CAMTA1: variants seen among roughly 807,000 people sequenced by gnomAD.
CAMTA1 encodes the protein calmodulin binding transcription activator 1.
In CAMTA1, 27 loss-of-function variants were observed where a neutral mutation model predicts 170.9. The ratio of observed to expected loss-of-function variants is 0.16; its 90% CI spans 0.12 to 0.22. CAMTA1 has a LOEUF of 0.22. Among genes scored for constraint, CAMTA1 ranks in the 10% least tolerant of loss-of-function variants. CAMTA1 has a pLI of 1.00. For missense variants in CAMTA1, 1,619 were observed against 2,217.2 expected, an observed-to-expected ratio of 0.73 and a Z score of 5.42; for synonymous variants, 833 against 891.5, an observed-to-expected ratio of 0.93 and a Z score of 1.17.
At chr1:7,020,433 A>C (rs988704153) in intron 3 of CAMTA1, among the ~76,000 whole-genome samples, 1 of 152,206 alleles carries the variant, frequency 6.6e-6, no homozygotes, top group South Asian at 2.1e-4. Flanking sequence ...GTAGGAGGCT[A>C]TCCCCTCTAG....
In CAMTA1 at chr1:7,064,867, A is replaced by T. The variant is rs1572799669; in HGVS notation, c.235-26437A>T. The stretch of plus-strand genomic sequence containing the variant: ...GGTTGGGTGACTCCTGCTGCCATCT[A>T]GGCAAGACATGGCAGCCACTTAGAT... On this transcript the variant is annotated intron_variant, in intron 3 of 22. Transcript: ENST00000303635. This position sits in a 1 kb window ranked among gnomAD's most constrained non-coding sequence, Gnocchi z 5.4. Among the ~76,000 whole-genome samples the T allele has an allele frequency of 6.6e-6, 1 of 152,234 alleles. No homozygotes were observed. The highest frequency in any genetic ancestry group is 1.9e-4 in the East Asian group (1 of 5,176).
At chr1:7,668,542 C>G (rs1240237337) in intron 9 of CAMTA1, among the ~76,000 whole-genome samples, 1 of 152,034 alleles carries the variant, frequency 6.6e-6, no homozygotes, top group African/African-American at 2.4e-5. Flanking sequence ...ATTTCGTGCC[C>G]CCTCCCCACC....
intron 5 of CAMTA1, among the ~76,000 whole-genome samples, chr1:7,384,200 C>T (rs2087678563): frequency 6.6e-6 from 1 of 152,208 alleles, no homozygotes; most frequent in Non-Finnish European, 1.5e-5. Context: ...TGGCTGTTGG[C>T]TCCATTCTGA....
chr1:7,608,582 T>C (rs2095502625), intron 6 of CAMTA1, among the ~76,000 whole-genome samples: 2 of 152,182 alleles, frequency 1.3e-5, no homozygotes. Flanking sequence ...GAGAGGCTGA[T>C]GGCAGGGAAG....
intron 3 of CAMTA1, among the ~76,000 whole-genome samples, chr1:7,048,917 G>A (rs1705846519): frequency 6.6e-6 from 1 of 152,178 alleles, no homozygotes; most frequent in African/African-American, 2.4e-5. Flanking sequence ...CCGTCAACCT[G>A]TGTTGCAAAT....
chr1:7,588,158 AG>A lies in CAMTA1; in HGVS notation c.511-52240del, dbSNP rs2150454493. ...GGGCTGGGATCCCACAGAAAGTCAC[AG>A]GCCCTGCCCATTGGCAAGGTCTCTC... On this transcript the variant is annotated intron_variant, in intron 6 of 22. Coordinates refer to ENST00000303635, the MANE Select transcript of CAMTA1 (RefSeq NM_015215.4). This position sits in a 1 kb window ranked among gnomAD's most constrained non-coding sequence, Gnocchi z 5.8. Among the ~76,000 whole-genome samples the A allele has an allele frequency of 6.6e-6, 1 of 152,204 alleles. No homozygotes were observed. The highest frequency in any genetic ancestry group is 2.1e-4 in the South Asian group (1 of 4,822).
chr1:7,498,947 A>AG (rs2093902570), intron 6 of CAMTA1, among the ~76,000 whole-genome samples: 1 of 133,482 alleles, frequency 7.5e-6, no homozygotes, highest in Non-Finnish European at 1.6e-5. Context: ...ATGTGTGTCC[A>AG]TGAGTGTGTA....
chr1:7,160,441 C>T (rs546987106), intron 4 of CAMTA1, among the ~76,000 whole-genome samples: 17 of 152,108 alleles, frequency 1.1e-4, no homozygotes, highest in African/African-American at 4.1e-4. Context: ...TTGACTATCT[C>T]GGCAGCATTG....
At chr1:7,339,787 G>A (rs1252162180) in intron 5 of CAMTA1, among the ~76,000 whole-genome samples, 1 of 152,044 alleles carries the variant, frequency 6.6e-6, no homozygotes, top group Non-Finnish European at 1.5e-5. Context: ...AGTAGAGACA[G>A]GGTTTTGTTA....
chr1:7,109,355 G>A (rs540139686), intron 4 of CAMTA1, among the ~76,000 whole-genome samples: 6 of 152,306 alleles, frequency 3.9e-5, no homozygotes, highest in Admixed American at 1.3e-4. Context: ...GGAAGAACAG[G>A]CCACAAACTG....
chr1:7,758,918 G>C (rs1375596307), intron 22 of CAMTA1, among the ~76,000 whole-genome samples: 20 of 114,986 alleles, frequency 1.7e-4, no homozygotes, highest in Non-Finnish European at 3.1e-4. Context: ...CTGGGCAAAA[G>C]AGCGAGACTC....
intron 6 of CAMTA1, among the ~76,000 whole-genome samples, chr1:7,477,517 G>A (rs916399700): frequency 3.9e-5 from 6 of 152,178 alleles, no homozygotes; most frequent in Admixed American, 2.0e-4. Context: ...AGTATTTCCC[G>A]CTCAGACATC....
At chr1:7,716,590 A>G (rs2096611578) in intron 11 of CAMTA1, among the ~76,000 whole-genome samples, 1 of 151,944 alleles carries the variant, frequency 6.6e-6, no homozygotes, top group Non-Finnish European at 1.5e-5. Flanking sequence ...AGAAAAATAC[A>G]TATTTTTGGA....
chr1:6,850,758 G>T (rs1660068348), intron 3 of CAMTA1, among the ~76,000 whole-genome samples: 1 of 152,178 alleles, frequency 6.6e-6, no homozygotes, highest in Non-Finnish European at 1.5e-5. Flanking sequence ...CAGATGAGAA[G>T]CTGGACGGCT....
intron 4 of CAMTA1, among the ~76,000 whole-genome samples, chr1:7,147,684 T>C (rs1646294017): frequency 7.0e-6 from 1 of 142,480 alleles, no homozygotes; most frequent in South Asian, 2.3e-4. Context: ...CACACATTCA[T>C]ACACCATGCA....
chr1:7,502,640 G>C (rs1278342345), intron 6 of CAMTA1, among the ~76,000 whole-genome samples: 1 of 152,158 alleles, frequency 6.6e-6, no homozygotes, highest in Admixed American at 6.5e-5. Context: ...GGGGGCCTCT[G>C]GCCTTTGACC....
intron 6 of CAMTA1, among the ~76,000 whole-genome samples, chr1:7,476,484 G>C (rs958907206): frequency 1.3e-5 from 2 of 152,130 alleles, no homozygotes; most frequent in Non-Finnish European, 2.9e-5. Context: ...TCTGACATGG[G>C]GCAAGCATGG....
intron 5 of CAMTA1, among the ~76,000 whole-genome samples, chr1:7,401,404 G>T (rs2089895690): frequency 6.6e-6 from 1 of 151,960 alleles, no homozygotes; most frequent in South Asian, 2.1e-4. Flanking sequence ...GTATTATTAT[G>T]GTAAGTCTTG....
At chr1:7,602,541 T>C (rs995915067) in intron 6 of CAMTA1, among the ~76,000 whole-genome samples, 1 of 152,230 alleles carries the variant, frequency 6.6e-6, no homozygotes, top group African/African-American at 2.4e-5. Flanking sequence ...TTGATTCTTC[T>C]CTCTTTTCTT....
Sources: gnomAD v4.1 joint callset for allele counts (sites outside exome capture counted in the v4.1 genomes callset) on GRCh38, gnomAD v4.1.1 for gene constraint, Gnocchi (gnomAD v3.1) non-coding constraint, MANE v1.5 for transcripts, NCBI Gene and HGNC (gene_info 2026-07-23, HGNC 2026-07-21) for gene names.